Variants in CCDC40 observed in about 807,000 individuals in gnomAD.
CCDC40 encodes the protein coiled-coil domain 40 molecular ruler complex subunit.
Under a neutral mutation model 124.5 loss-of-function variants are expected in CCDC40, and 104 were observed. The ratio of observed to expected loss-of-function variants is 0.84; its 90% CI spans 0.71 to 0.98. CCDC40 has a LOEUF of 0.98. Among genes scored for constraint, CCDC40 ranks in the 50% least tolerant of loss-of-function variants. The probability of loss-of-function intolerance (pLI) is 0.00; values close to 1 mark genes in which losing one functional copy is unlikely to be tolerated. For missense variants in CCDC40, 1,463 were observed against 1,503.9 expected (o/e 0.97, Z 0.45); for synonymous variants, 580 against 602.9 (o/e 0.96, Z 0.56).
Position 80,090,274 on chromosome 17 carries a change from C to T in CCDC40, c.2832+390C>T. 6 of 1,181,282 alleles carry T rather than the reference C, an allele frequency of 5.1e-6. 1 individual carries two copies. The South Asian group carries it at 5.1e-5, about 10-fold the overall frequency. The allele number at this position is 1,181,282 out of a possible 1,614,324, so 73.2% of individuals were successfully genotyped here. On this transcript the variant is annotated intron_variant, in intron 17 of 19. Transcript: ENST00000397545. ...AACACGGGACGCGCGCGGGCACGTG[C>T]ACGAACAACACGGGACGCGCGCAGG...
intron 10 of CCDC40, among the ~76,000 whole-genome samples, chr17:80,080,357 C>T (rs1032933519): frequency 1.3e-5 from 2 of 152,186 alleles, no homozygotes; most frequent in African/African-American, 4.8e-5. Context: ...GAGGCAAGAT[C>T]GTGCCTCTGC....
At position 80,086,436 on chromosome 17, in the gene CCDC40, C is replaced by T. The variant is rs561660963; in HGVS notation, c.2449+220C>T. 4 of 544,064 alleles carry T rather than the reference C, an allele frequency of 7.4e-6. No homozygotes were observed. The highest frequency in any genetic ancestry group is 1.9e-5 in the African/African-American group (1 of 52,772). 33.7% of individuals were successfully genotyped at this position (544,064 alleles called of 1,614,324 possible). ...ACAGCGGGAGGGTTGAGAAATGTCACGAAATGGCTCCAAGCTCACGGACTT... is the reference window on the plus strand; with the variant it reads ...ACAGCGGGAGGGTTGAGAAATGTCATGAAATGGCTCCAAGCTCACGGACTT... On this transcript the variant is annotated intron_variant, in intron 14 of 19. Coordinates refer to ENST00000397545, the MANE Select transcript of CCDC40 (RefSeq NM_017950.4). The surrounding 1 kb of genome is among the most constrained non-coding windows in gnomAD (Gnocchi z 5.5).
At chr17:80,056,795 T>C (rs1478487847) in intron 7 of CCDC40, among the ~76,000 whole-genome samples, 2 of 151,846 alleles carry the variant, frequency 1.3e-5, no homozygotes, top group Non-Finnish European at 2.9e-5. Flanking sequence ...ATCCCAGCAC[T>C]TTGGGAGGCC....
At chr17:80,083,265 C>T (rs554411113) in intron 12 of CCDC40, among the ~76,000 whole-genome samples, 64 of 152,176 alleles carry the variant, frequency 4.2e-4, no homozygotes, top group Middle Eastern at 6.8e-3. Context: ...TCAGGGTGAA[C>T]TTGGCAGAGG....
intron 2 of CCDC40, among the ~76,000 whole-genome samples, chr17:80,038,547 C>A (rs901923223): frequency 1.4e-5 from 2 of 144,038 alleles, no homozygotes; most frequent in African/African-American, 5.2e-5. Context: ...AATAAATAGG[C>A]CGGGCACGGT....
At chr17:80,045,946 C>T (rs1598482590) in intron 3 of CCDC40, among the ~76,000 whole-genome samples, 1 of 151,986 alleles carries the variant, frequency 6.6e-6, no homozygotes, top group Admixed American at 6.6e-5. Context: ...GGAGAATTAT[C>T]GCAAAACAAT....
At chr17:80,046,200 A>G (rs1471896319) in intron 3 of CCDC40, among the ~76,000 whole-genome samples, 1 of 152,154 alleles carries the variant, frequency 6.6e-6, no homozygotes, top group Non-Finnish European at 1.5e-5. Context: ...GACTTTTGCA[A>G]ATGTCCAAAA....
rs1193599741 is a variant in CCDC40 at position 80,056,016 on chromosome 17, A to ATTTTTTTTTTT, written c.1160-2473_1160-2463dup. Among the ~76,000 whole-genome samples the ATTTTTTTTTTT allele has an allele frequency of 7.0e-3, 72 of 10,244 alleles. 11 individuals carry two copies. The highest frequency in any genetic ancestry group is 0.038 in the South Asian group (6 of 156). The allele number at this position is 10,244 out of a possible 152,430, so 6.7% of individuals were successfully genotyped here. Reference sequence around the variant, plus strand: ...TATATATATATATATATATATATATATTTTTTTTTTTTTTTGGTAGAAACA... The same window carrying ATTTTTTTTTTT: ...TATATATATATATATATATATATATATTTTTTTTTTTTTTTTTTTTTTTTTTGGTAGAAACA... On this transcript the variant is annotated intron_variant, in intron 7 of 19. Transcript: ENST00000397545.
At position 80,049,979 on chromosome 17, in the gene CCDC40, T is replaced by TC. The variant is rs2143615961; in HGVS notation, c.931dup (p.Gln311ProfsTer23). The TC allele has an allele frequency of 6.2e-7, 1 of 1,614,056 alleles. No individual in the cohort carries two copies. The highest frequency in any genetic ancestry group is 2.2e-5 in the East Asian group (1 of 44,866). ...CAGATCGAAAAGTTGAAGCTGGACC[T>TC]CCAAGAGCTGGTGTGTATCCGTCCA... On this transcript the variant is annotated frameshift_variant, in exon 6 of 20. Transcript: ENST00000397545. LOFTEE classifies it high-confidence loss of function.
At chr17:80,061,261 G>A (rs551507903) in intron 9 of CCDC40, among the ~76,000 whole-genome samples, 7 of 152,142 alleles carry the variant, frequency 4.6e-5, no homozygotes, top group African/African-American at 1.2e-4. Context: ...CAGGAGAATC[G>A]CTTGAACCCA....
In CCDC40 at chr17:80,087,993, G is replaced by A. The variant is rs765469292; in HGVS notation, c.2620-18G>A. 1.9e-4 allele frequency: 194 copies of A among 1,031,338 alleles called. 2 individuals carry two copies. The highest frequency in any genetic ancestry group is 6.3e-5 in the South Asian group (5 of 79,720). 63.9% of individuals were successfully genotyped at this position (1,031,338 alleles called of 1,614,324 possible). On this transcript the variant is annotated intron_variant, in intron 15 of 19. Coordinates refer to ENST00000397545, the MANE Select transcript of CCDC40 (RefSeq NM_017950.4). This position sits in a 1 kb window ranked among gnomAD's most constrained non-coding sequence, Gnocchi z 4.5. ...CCATGGCCCTCCCCACAGCTGTCCC[G>A]CCCCCTCCCCCATGCAGGCCTCTGA...
chr17:80,067,979 C>T, intron 10 of CCDC40: 1 of 1,092,034 alleles, frequency 9.2e-7, no homozygotes, highest in Non-Finnish European at 1.1e-6. Context: ...CTGACTTCAC[C>T]TGCAGCTTGC....
chr17:80,076,068 G>A (rs1157770852), intron 10 of CCDC40, among the ~76,000 whole-genome samples: 1 of 152,214 alleles, frequency 6.6e-6, no homozygotes, highest in Non-Finnish European at 1.5e-5. Flanking sequence ...CATGCGCATT[G>A]TTGAAATTAA....
chr17:80,068,488 C>T (rs1194686728), intron 10 of CCDC40, among the ~76,000 whole-genome samples: 1 of 152,094 alleles, frequency 6.6e-6, no homozygotes, highest in African/African-American at 2.4e-5. Context: ...TATTGCATAG[C>T]TTAGGACTTC....
chr17:80,094,421 T>G (rs1460622535), intron 17 of CCDC40, among the ~76,000 whole-genome samples: 1 of 150,594 alleles, frequency 6.6e-6, no homozygotes, highest in Non-Finnish European at 1.5e-5. Flanking sequence ...CAAAAAATTT[T>G]TTTTATAAAA....
chr17:80,091,360 A>C (rs202092949), intron 17 of CCDC40, among the ~76,000 whole-genome samples: 1 of 129,620 alleles, frequency 7.7e-6, no homozygotes, highest in Non-Finnish European at 1.7e-5. Flanking sequence ...GAGAGAGAGA[A>C]AGAAAGAGAG....
chr17:80,062,447 C>G (rs569109216), intron 9 of CCDC40, among the ~76,000 whole-genome samples: 3 of 147,604 alleles, frequency 2.0e-5, no homozygotes, highest in Non-Finnish European at 4.5e-5. Context: ...AATGCTATCT[C>G]TCCCCCCTCC....
intron 10 of CCDC40, chr17:80,068,168 G>A (rs1436731652): frequency 3.4e-5 from 6 of 176,930 alleles, no homozygotes; most frequent in Non-Finnish European, 6.6e-5. Flanking sequence ...CAAGTAGCTG[G>A]GATTACAGGC....
intron 10 of CCDC40, among the ~76,000 whole-genome samples, chr17:80,077,788 G>A (rs1302114604): frequency 6.6e-6 from 1 of 152,148 alleles, no homozygotes; most frequent in Non-Finnish European, 1.5e-5. Flanking sequence ...GCCTTCTCTG[G>A]TGAAGCAACT....
Sources: gnomAD v4.1 joint callset for allele counts (sites outside exome capture counted in the v4.1 genomes callset) on GRCh38, gnomAD v4.1.1 for gene constraint, Gnocchi (gnomAD v3.1) non-coding constraint, MANE v1.5 for transcripts, NCBI Gene and HGNC (gene_info 2026-07-23, HGNC 2026-07-21) for gene names.